Variants in PARD3 observed in about 807,000 individuals in gnomAD.
The protein encoded by PARD3 is partitioning defective 3 homolog.
Under a neutral mutation model 155.4 loss-of-function variants are expected in PARD3, and 75 were observed. The observed-to-expected ratio is 0.48, with a 90% CI of 0.40 to 0.58. The LOEUF (loss-of-function observed/expected upper bound fraction) is 0.58. PARD3 is among the 20% of genes least tolerant of loss of function. The pLI is 0.00. For synonymous variants in PARD3, 576 were observed against 610.5 expected, an observed-to-expected ratio of 0.94 and a Z score of 0.83; for missense variants, 1,642 against 1,721.7, an observed-to-expected ratio of 0.95 and a Z score of 0.82.
At chr10:34,665,836 A>G (rs2093439484) in intron 2 of PARD3, among the ~76,000 whole-genome samples, 1 of 147,632 alleles carries the variant, frequency 6.8e-6, no homozygotes, top group Non-Finnish European at 1.5e-5. Flanking sequence ...CTTCGTCTCA[A>G]TTAAAGAACA....
intron 23 of PARD3, among the ~76,000 whole-genome samples, chr10:34,126,266 C>G (rs1947286086): frequency 6.6e-6 from 1 of 152,102 alleles, no homozygotes; most frequent in South Asian, 2.1e-4. Flanking sequence ...TGAACAAAGG[C>G]CCAGGAACAG....
chr10:34,260,486 A>G (rs570649624), intron 22 of PARD3, among the ~76,000 whole-genome samples: 1 of 152,336 alleles, frequency 6.6e-6, no homozygotes, highest in South Asian at 2.1e-4. Flanking sequence ...CAAGTGGCCC[A>G]GGCACAGATG....
chr10:34,670,502 C>A (rs1367320131), intron 2 of PARD3, among the ~76,000 whole-genome samples: 3 of 152,198 alleles, frequency 2.0e-5, no homozygotes, highest in African/African-American at 7.2e-5. Context: ...AATGTTTAGG[C>A]TGGATTCACT....
chr10:34,663,716 A>C (rs2093382551), intron 2 of PARD3: 1 of 152,192 alleles, frequency 6.6e-6, no homozygotes, highest in African/African-American at 2.4e-5. Flanking sequence ...AGAAGTGTCA[A>C]ACATTTTAAA....
chr10:34,661,798 G>A (rs1234864804), intron 2 of PARD3, among the ~76,000 whole-genome samples: 1 of 152,202 alleles, frequency 6.6e-6, no homozygotes, highest in Non-Finnish European at 1.5e-5. Context: ...CGCCCAGACA[G>A]TAAATGAGAT....
chr10:34,364,317 G>A (rs1454194660), intron 12 of PARD3, among the ~76,000 whole-genome samples: 1 of 152,104 alleles, frequency 6.6e-6, no homozygotes, highest in Non-Finnish European at 1.5e-5. Context: ...ATAGGAGTGA[G>A]CTCAATAGCC....
At chr10:34,364,277 T>C (rs1246332185) in intron 12 of PARD3, among the ~76,000 whole-genome samples, 2 of 152,198 alleles carry the variant, frequency 1.3e-5, no homozygotes, top group African/African-American at 4.8e-5. Context: ...AAACATGGAA[T>C]GTGCACAAAT....
chr10:34,811,714 A>G (rs1417621031), intron 1 of PARD3, among the ~76,000 whole-genome samples: 1 of 152,132 alleles, frequency 6.6e-6, no homozygotes, highest in Non-Finnish European at 1.5e-5. Context: ...ATTCAGTCTT[A>G]TATTTTTTTC....
chr10:34,540,357 T>G (rs1238258134), intron 2 of PARD3, among the ~76,000 whole-genome samples: 1 of 151,328 alleles, frequency 6.6e-6, no homozygotes, highest in Non-Finnish European at 1.5e-5. Flanking sequence ...CCAAACATAG[T>G]ATCTGCTATA....
chr10:34,303,196 A>G (rs1299292659), intron 20 of PARD3, among the ~76,000 whole-genome samples: 1 of 136,102 alleles, frequency 7.3e-6, no homozygotes, highest in Non-Finnish European at 1.5e-5. Flanking sequence ...CAAGGCAGGT[A>G]AAACTTTATG....
At chr10:34,782,351 C>T (rs527426966) in intron 1 of PARD3, among the ~76,000 whole-genome samples, 1 of 152,300 alleles carries the variant, frequency 6.6e-6, no homozygotes, top group East Asian at 1.9e-4. Context: ...AAAGGTTACC[C>T]AGGGAATCTT....
In PARD3 at chr10:34,363,672, C is replaced by T. The variant is rs150284916; in HGVS notation, c.1708-3413G>A. Reference sequence around the variant, plus strand: ...CTTGCTATTCCATCCAAATTCTGCACCTTATCAACTGTTTCTCGAATTAAG... The same window carrying T: ...CTTGCTATTCCATCCAAATTCTGCATCTTATCAACTGTTTCTCGAATTAAG... On this transcript the variant is annotated intron_variant, in intron 12 of 24. Transcript: ENST00000374788. Among the ~76,000 whole-genome samples, 55 of 152,266 alleles carry T rather than the reference C, an allele frequency of 3.6e-4. 1 individual carries two copies. In the East Asian group the frequency reaches 0.01, roughly 28 times the overall value.
chr10:34,346,598 G>C (rs1459381120), intron 15 of PARD3: 5 of 1,007,968 alleles, frequency 5.0e-6, no homozygotes, highest in African/African-American at 3.4e-5. Flanking sequence ...AGCCAAGAAA[G>C]TACAGAAAAT....
chr10:34,721,539 A>G (rs1313357459), intron 1 of PARD3, among the ~76,000 whole-genome samples: 2 of 152,240 alleles, frequency 1.3e-5, no homozygotes, highest in Non-Finnish European at 2.9e-5. Flanking sequence ...AGCATCCCCC[A>G]GGAGTGCCCA....
chr10:34,216,656 T>C (rs1952016389), intron 22 of PARD3, among the ~76,000 whole-genome samples: 1 of 152,186 alleles, frequency 6.6e-6, no homozygotes, highest in Non-Finnish European at 1.5e-5. Context: ...TGGCAGGAAA[T>C]GGTTTGGAAA....
At chr10:34,176,314 G>A (rs1950030043) in intron 22 of PARD3, among the ~76,000 whole-genome samples, 1 of 152,240 alleles carries the variant, frequency 6.6e-6, no homozygotes, top group East Asian at 1.9e-4. Flanking sequence ...TGCAAAAGGA[G>A]AGACTTTAAG....
At chr10:34,314,149 A>T (rs969918039) in intron 20 of PARD3, among the ~76,000 whole-genome samples, 2 of 152,084 alleles carry the variant, frequency 1.3e-5, no homozygotes, top group African/African-American at 4.8e-5. Flanking sequence ...AGAAAGGAAG[A>T]GACCAATTTT....
intron 5 of PARD3, among the ~76,000 whole-genome samples, chr10:34,427,354 G>A (rs2075667394): frequency 6.6e-6 from 1 of 152,176 alleles, no homozygotes; most frequent in East Asian, 1.9e-4. Flanking sequence ...GGCCACCCTG[G>A]GAGTGTCTGC....
intron 22 of PARD3, among the ~76,000 whole-genome samples, chr10:34,171,318 TAGAG>T (rs1949779353): frequency 6.6e-6 from 1 of 152,162 alleles, no homozygotes; most frequent in Admixed American, 6.5e-5. Context: ...TCATCACACA[TAGAG>T]AGAGGCTTTT....
Sources: gnomAD v4.1 joint callset for allele counts (sites outside exome capture counted in the v4.1 genomes callset) on GRCh38, gnomAD v4.1.1 for gene constraint, MANE v1.5 for transcripts, NCBI Gene and HGNC (gene_info 2026-07-23, HGNC 2026-07-21) for gene names.